CAMSAP3: variants seen among roughly 807,000 people sequenced by gnomAD.
The protein encoded by CAMSAP3 is calmodulin-regulated spectrin-associated protein 3.
In CAMSAP3, 34 loss-of-function variants were observed where a neutral mutation model predicts 112.5. The observed-to-expected ratio is 0.30, with a 90% CI of 0.23 to 0.40. The LOEUF (loss-of-function observed/expected upper bound fraction) is 0.40. CAMSAP3 is among the 10% of genes least tolerant of loss of function. CAMSAP3 has a pLI of 1.00. For synonymous variants in CAMSAP3, 868 were observed against 799.8 expected (o/e 1.09, Z -1.44); for missense variants, 1,602 against 1,770.3 (o/e 0.90, Z 1.71).
At chr19:7,601,206 G>A (rs2029951545) in intron 1 of CAMSAP3, among the ~76,000 whole-genome samples, 2 of 152,224 alleles carry the variant, frequency 1.3e-5, no homozygotes, top group Non-Finnish European at 2.9e-5. Flanking sequence ...ATAAGAGTGG[G>A]ATATGTCTTG....
chr19:7,617,693 T>G lies in CAMSAP3; in HGVS notation c.3444+32T>G. On this transcript the variant is annotated intron_variant, in intron 16 of 16. Coordinates refer to ENST00000160298, the MANE Select transcript of CAMSAP3 (RefSeq NM_020902.2). The surrounding 1 kb of genome is among the most constrained non-coding windows in gnomAD (Gnocchi z 7.5). ...CCGCCCACACGTGGGAGTTGGGGGC[T>G]GGTGGGTGGGTGGGTGGCCTGACTT... The G allele has an allele frequency of 6.2e-7, 1 of 1,610,950 alleles. No individual in the cohort carries two copies. Among genetic ancestry groups the G allele is most frequent in the South Asian group, 1.1e-5 (1 of 91,004 alleles).
chr19:7,615,141 TGGG>T lies in CAMSAP3; in HGVS notation c.2671-39_2671-37del. ...AGGGAAGATGGGCCTCCAGCCATGT[TGGG>T]GGAGGGGGTGGCTGGCTGGACTCGG... is the stretch of plus-strand genomic sequence containing the variant. On this transcript the variant is annotated intron_variant, in intron 11 of 16. Transcript: ENST00000160298. This position sits in a 1 kb window ranked among gnomAD's most constrained non-coding sequence, Gnocchi z 6.5. 3 of 1,548,638 alleles carry T rather than the reference TGGG, an allele frequency of 1.9e-6. No homozygotes were observed. Among genetic ancestry groups the T allele is most frequent in the Non-Finnish European group, 2.6e-6 (3 of 1,145,812 alleles).
In CAMSAP3 at chr19:7,605,480, G is replaced by A. The variant is rs2030165654; in HGVS notation, c.402+1G>A. On this transcript the variant is annotated splice_donor_variant, in intron 2 of 16. Transcript: ENST00000160298. LOFTEE classifies it high-confidence loss of function. Reference sequence around the variant, plus strand: ...CCTGAGGCACCAGCCCATTCTCATGGTAGGCCCCGCCACTGCCTGTTAGAC... The same window carrying A: ...CCTGAGGCACCAGCCCATTCTCATGATAGGCCCCGCCACTGCCTGTTAGAC... 6.9e-7 allele frequency: 1 copy of A among 1,453,386 alleles called. No individual in the cohort carries two copies. The highest frequency in any genetic ancestry group is 1.5e-5 in the African/African-American group (1 of 68,676). 90.0% of individuals were successfully genotyped at this position (1,453,386 alleles called of 1,614,324 possible). A position where few individuals can be genotyped will look rare whatever the true frequency, so the allele number is the denominator to read the frequency against.
At position 7,612,310 on chromosome 19, in the gene CAMSAP3, G is replaced by A. The variant is rs759335154; in HGVS notation, c.1817G>A (p.Arg606Gln). The change falls in exon 11 of 17, where the codon CGG becomes CAG. Residue 606 changes from arginine (R) to glutamine (Q), a missense_variant. Arg to Gln is a conservative substitution (Grantham distance 43, BLOSUM62 1). This residue lies in a region of CAMSAP3 where 1,100 missense variants were observed against 1,135.7 expected (regional missense o/e 0.97). Transcript: ENST00000160298. Reference protein sequence around the residue: ...LSSEMSELSARLEEKRRAIEA... With the variant: ...LSSEMSELSAQLEEKRRAIEA... ...TCGGAGATGAGTGAGCTCAGCGCCC[G>A]GCTGGAGGAGAAACGCAGAGCCATC... 1.6e-5 allele frequency: 25 copies of A among 1,605,066 alleles called. No homozygotes were observed. Among genetic ancestry groups the A allele is most frequent in the Non-Finnish European group, 2.0e-5 (23 of 1,177,518 alleles).
At chr19:7,614,959 G>A in intron 11 of CAMSAP3, 1 of 605,378 alleles carries the variant, frequency 1.7e-6, no homozygotes, top group Non-Finnish European at 2.9e-6. Context: ...TTCCCCGTTG[G>A]GTTAAGCAGT....
Position 7,615,422 on chromosome 19 carries a change from G to A in CAMSAP3, c.2815G>A (p.Ala939Thr). Residue 939 changes from alanine to threonine, a missense_variant, in exon 13 of 17, where the codon GCC becomes ACC. Physicochemically the swap from Ala to Thr is moderately conservative, Grantham distance 58. Transcript: ENST00000160298. This position sits in a 1 kb window ranked among gnomAD's most constrained non-coding sequence, Gnocchi z 6.5. ...CCGATTCCCTGTGATCTGCAGGCTG[G>A]CCCAAGAGGAGGCCCCGGGCCCAGC... Reference protein sequence around the residue: ...EQRREEAARLAQEEAPGPAPL... With the variant: ...EQRREEAARLTQEEAPGPAPL... 3 of 1,540,796 alleles carry A rather than the reference G, an allele frequency of 1.9e-6. No individual in the cohort carries two copies. Among genetic ancestry groups the A allele is most frequent in the Non-Finnish European group, 2.6e-6 (3 of 1,145,710 alleles).
In CAMSAP3 at chr19:7,606,501, C is replaced by T. The variant is rs1568441984; in HGVS notation, c.551C>T (p.Thr184Ile). 7.0e-6 allele frequency: 11 copies of T among 1,572,204 alleles called. No homozygotes were observed. The highest frequency in any genetic ancestry group is 1.8e-5 in the Admixed American group (1 of 54,514). Residue 184 changes from threonine (T) to isoleucine (I), a missense_variant, in exon 4 of 17, where the codon ACC becomes ATC. By Grantham distance (89) the Thr-to-Ile change is moderately conservative. Coordinates refer to ENST00000160298, the MANE Select transcript of CAMSAP3 (RefSeq NM_020902.2). ...ACCGTCCGGCGGCTGCAGGAGAAGA[C>T]CGAGCAGGAAGCGGCCCAGCGAGCC... is the stretch of plus-strand genomic sequence containing the variant. ...DTTVRRLQEK[T>I]EQEAAQRASP...
At chr19:7,600,292 C>T (rs868141659) in intron 1 of CAMSAP3, among the ~76,000 whole-genome samples, 37 of 5,196 alleles carry the variant, frequency 7.1e-3, no homozygotes, top group Non-Finnish European at 0.013. Flanking sequence ...TCCACCCACC[C>T]ACCCACTCTC....
intron 1 of CAMSAP3, among the ~76,000 whole-genome samples, chr19:7,602,697 C>T (rs889406331): frequency 7.0e-6 from 1 of 143,738 alleles, no homozygotes; most frequent in African/African-American, 2.6e-5. Context: ...GCCGCTGTTG[C>T]AGTCTTCAGG....
chr19:7,617,991 C>G lies in CAMSAP3; in HGVS notation c.3684C>G (p.Ile1228Met), dbSNP rs1263303649. 1 of 1,614,038 alleles carries G rather than the reference C, an allele frequency of 6.2e-7. No homozygotes were observed. Among genetic ancestry groups the G allele is most frequent in the Admixed American group, 1.7e-5 (1 of 60,006 alleles). The change falls in exon 17 of 17, where the codon ATC becomes ATG. Residue 1228 changes from isoleucine to methionine, a missense_variant. Transcript: ENST00000160298. This position sits in a 1 kb window ranked among gnomAD's most constrained non-coding sequence, Gnocchi z 7.5. ...TMSMSVDAFTIQGHLWQGKKP... is the reference protein window; with the variant it reads ...TMSMSVDAFTMQGHLWQGKKP... ...CCATGAGCGTCGATGCCTTCACCAT[C>G]CAGGGACACCTCTGGCAGGGCAAGA...
Position 7,610,424 on chromosome 19 carries a change from GC to G in CAMSAP3, c.761-48del. The G allele has an allele frequency of 6.4e-7, 1 of 1,554,340 alleles. No individual in the cohort carries two copies. ...ACTGCTGGTCCCTGGCTTCCCTGGG[GC>G]CCCATCCTCCTCCTCATAGAGTTGG... On this transcript the variant is annotated intron_variant, in intron 5 of 16. Transcript: ENST00000160298. The surrounding 1 kb of genome is among the most constrained non-coding windows in gnomAD (Gnocchi z 4.9).
At chr19:7,598,426 C>T (rs925041906) in intron 1 of CAMSAP3, among the ~76,000 whole-genome samples, 12 of 152,132 alleles carry the variant, frequency 7.9e-5, no homozygotes, top group African/African-American at 2.2e-4. Flanking sequence ...TGGGGAGCCA[C>T]GGACAGTGTT....
At chr19:7,613,877 C>A (rs1380726303) in intron 11 of CAMSAP3, among the ~76,000 whole-genome samples, 7 of 152,110 alleles carry the variant, frequency 4.6e-5, no homozygotes, top group Admixed American at 2.0e-4. Flanking sequence ...ACCTGACTGG[C>A]CTCTGCTGCC....
At chr19:7,605,545 C>T (rs924955948) in intron 2 of CAMSAP3, 66 bp downstream of exon 2, 3 of 1,412,086 alleles carry the variant, frequency 2.1e-6, no homozygotes, top group Admixed American at 2.8e-5. Flanking sequence ...AAGCTCCTCC[C>T]GCCAGTCCTG....
intron 1 of CAMSAP3, 124 bp downstream of exon 1, chr19:7,596,274 G>T (rs112811805): frequency 0.049 from 18,666 of 378,298 alleles, 694 homozygotes; most frequent in Admixed American, 0.088. Flanking sequence ...GCCGCCGGGG[G>T]TCCCCGGGCT....
Position 7,607,881 on chromosome 19 carries a change from C to T in CAMSAP3, c.622-245C>T. The stretch of plus-strand genomic sequence containing the variant: ...CAAACCCCCCATGGTAATGTATCCC[C>T]CGCCCCGGGGTCCCAGGAGTCCCTG... On this transcript the variant is annotated intron_variant, in intron 4 of 16. Coordinates refer to ENST00000160298, the MANE Select transcript of CAMSAP3 (RefSeq NM_020902.2). The surrounding 1 kb of genome is among the most constrained non-coding windows in gnomAD (Gnocchi z 4.9). 1 of 1,101,242 alleles carries T rather than the reference C, an allele frequency of 9.1e-7. No individual in the cohort carries two copies. The highest frequency in any genetic ancestry group is 1.4e-5 in the South Asian group (1 of 69,530). The allele number at this position is 1,101,242 out of a possible 1,614,324, so 68.2% of individuals were successfully genotyped here.
At position 7,610,426 on chromosome 19, in the gene CAMSAP3, C is replaced by T. The variant is rs373734122; in HGVS notation, c.761-50C>T. The T allele has an allele frequency of 2.8e-4, 439 of 1,557,784 alleles. No individual in the cohort carries two copies. The highest frequency in any genetic ancestry group is 3.4e-4 in the Non-Finnish European group (397 of 1,151,792). On this transcript the variant is annotated intron_variant, in intron 5 of 16. Transcript: ENST00000160298. This position sits in a 1 kb window ranked among gnomAD's most constrained non-coding sequence, Gnocchi z 4.9. ...TGCTGGTCCCTGGCTTCCCTGGGGC[C>T]CCATCCTCCTCCTCATAGAGTTGGG...
chr19:7,596,285 C>G (rs1295492237), intron 1 of CAMSAP3, 135 bp downstream of exon 1: 1 of 299,462 alleles, frequency 3.3e-6, no homozygotes, highest in Non-Finnish European at 5.0e-6. Flanking sequence ...TCCCCGGGCT[C>G]GGGCCCCTGC....
Position 7,611,111 on chromosome 19 carries a change from T to C in CAMSAP3, c.1066T>C (p.Phe356Leu), listed in dbSNP as rs768717462. The C allele has an allele frequency of 3.1e-6, 5 of 1,613,750 alleles. No homozygotes were observed. The highest frequency in any genetic ancestry group is 4.2e-6 in the Non-Finnish European group (5 of 1,179,944). Residue 356 changes from phenylalanine to leucine, a missense_variant, in exon 9 of 17, where the codon TTC (phenylalanine) becomes CTC (leucine). This residue lies in a region of CAMSAP3 where 1,100 missense variants were observed against 1,135.7 expected (regional missense o/e 0.97). Coordinates refer to ENST00000160298, the MANE Select transcript of CAMSAP3 (RefSeq NM_020902.2). The surrounding 1 kb of genome is among the most constrained non-coding windows in gnomAD (Gnocchi z 6.9). Reference protein sequence around the residue: ...NSGSSSPVFTFRHPLLSSGGP... With the variant: ...NSGSSSPVFTLRHPLLSSGGP... ...TCCGTACAGTTCTCCTGTCTTCACC[T>C]TCCGCCACCCGCTTCTGTCATCTGG...
Sources: allele counts gnomAD v4.1 joint callset (sites outside exome capture counted in the v4.1 genomes callset), GRCh38; gene constraint gnomAD v4.1.1; regional missense constraint gnomAD v4.1.1; non-coding constraint Gnocchi (gnomAD v3.1); transcripts MANE v1.5; gene names NCBI Gene and HGNC (gene_info 2026-07-23, HGNC 2026-07-21).